ROBO2: variants seen among roughly 807,000 people sequenced by gnomAD.
The protein encoded by ROBO2 is roundabout guidance receptor 2, also known as roundabout homolog 2.
In ROBO2, 53 loss-of-function variants were observed where a neutral mutation model predicts 160.8. The ratio of observed to expected loss-of-function variants is 0.33; its 90% confidence interval spans 0.26 to 0.41. The LOEUF is 0.41. Ranked by LOEUF, ROBO2 falls within the 10% of genes least tolerant of loss-of-function variation. The pLI is 1.00. For missense variants in ROBO2, 1,577 were observed against 1,722.4 expected (o/e 0.92, Z 1.49); for synonymous variants, 664 against 611.7 (o/e 1.09, Z -1.26).
intron 2 of ROBO2, among the ~76,000 whole-genome samples, chr3:76,344,012 C>A (rs1247821573): frequency 6.6e-6 from 1 of 151,944 alleles, no homozygotes; most frequent in African/African-American, 2.4e-5. Flanking sequence ...CTGTTTTTCC[C>A]CATTCCTTTC....
intron 2 of ROBO2, among the ~76,000 whole-genome samples, chr3:76,976,105 A>G (rs957496199): frequency 1.3e-5 from 2 of 152,206 alleles, no homozygotes; most frequent in African/African-American, 2.4e-5. Context: ...AAAACTGGCA[A>G]TATGTCGTAA....
Position 77,389,634 on chromosome 3 carries a change from T to A in ROBO2, c.389-87780T>A, listed in dbSNP as rs1184334052. ...TATTTACTTTATCTTCTTTCCTTTT[T>A]TTCTTCTTCTTCCCTTTTTCCTTCC... On this transcript the variant is annotated intron_variant, in intron 2 of 25. Coordinates refer to ENST00000461745, the Ensembl canonical transcript of ROBO2. Among the ~76,000 whole-genome samples, 4 of 152,226 alleles carry A rather than the reference T, an allele frequency of 2.6e-5. No individual in the cohort carries two copies. In the South Asian group the frequency reaches 6.2e-4, roughly 24 times the overall value.
intron 2 of ROBO2, among the ~76,000 whole-genome samples, chr3:77,344,834 G>A (rs1011898085): frequency 6.6e-6 from 1 of 151,908 alleles, no homozygotes; most frequent in African/African-American, 2.4e-5. Context: ...AATATTAAAA[G>A]TTTTTTTGGT....
intron 2 of ROBO2, among the ~76,000 whole-genome samples, chr3:76,929,787 G>T (rs778340737): frequency 2.6e-5 from 4 of 151,890 alleles, no homozygotes; most frequent in Non-Finnish European, 5.9e-5. Flanking sequence ...ACTCCACTGT[G>T]TGTGGATCTC....
intron 2 of ROBO2, among the ~76,000 whole-genome samples, chr3:76,664,363 G>A (rs2091940451): frequency 6.6e-6 from 1 of 152,128 alleles, no homozygotes; most frequent in African/African-American, 2.4e-5. Flanking sequence ...TACTAGCATT[G>A]ATACCAGGAA....
chr3:76,586,044 A>G (rs527581504), intron 2 of ROBO2, among the ~76,000 whole-genome samples: 8 of 152,296 alleles, frequency 5.3e-5, no homozygotes, highest in Middle Eastern at 3.4e-3. Context: ...TATGCATTCA[A>G]CAGTGAATTA....
chr3:77,551,115 TC>T, intron 8 of ROBO2, 126 bp downstream of exon 9: 2 of 1,041,104 alleles, frequency 1.9e-6, no homozygotes, highest in Non-Finnish European at 2.9e-6. Flanking sequence ...TAAGTTTGAA[TC>T]CAGGTCACAT....
chr3:76,060,030 A>G (rs1344500117), intron 2 of ROBO2, among the ~76,000 whole-genome samples: 1 of 151,910 alleles, frequency 6.6e-6, no homozygotes, highest in Admixed American at 6.6e-5. Flanking sequence ...GGTACCAGAG[A>G]AACTCTTTTA....
At chr3:76,538,557 C>T (rs2082642661) in intron 2 of ROBO2, among the ~76,000 whole-genome samples, 3 of 152,190 alleles carry the variant, frequency 2.0e-5, no homozygotes, top group African/African-American at 7.2e-5. Context: ...ACACCTTGGA[C>T]TATTGGTGTG....
chr3:77,475,133 C>T (rs186087589), intron 2 of ROBO2, among the ~76,000 whole-genome samples: 8 of 152,082 alleles, frequency 5.3e-5, no homozygotes, highest in African/African-American at 1.9e-4. Flanking sequence ...TAAATGATAT[C>T]ACTAAACACA....
intron 2 of ROBO2, among the ~76,000 whole-genome samples, chr3:76,355,719 A>G (rs2075122507): frequency 6.6e-6 from 1 of 151,982 alleles, no homozygotes; most frequent in South Asian, 2.1e-4. Context: ...CATATAAAGA[A>G]AGTATCTAGC....
At chr3:77,448,943 T>G (rs1397965929) in intron 2 of ROBO2, among the ~76,000 whole-genome samples, 1 of 152,174 alleles carries the variant, frequency 6.6e-6, no homozygotes, top group African/African-American at 2.4e-5. Context: ...GGTGTGATTG[T>G]GTTGGTTTAT....
intron 2 of ROBO2, among the ~76,000 whole-genome samples, chr3:77,410,806 CCTCCTTCTT>C (rs1375392340): frequency 1.3e-5 from 2 of 148,902 alleles, no homozygotes; most frequent in East Asian, 2.0e-4. Context: ...TCCCTCTCCT[CCTCCTTCTT>C]CTCCTTCTTC....
chr3:76,739,630 A>T (rs1452105403), intron 2 of ROBO2, among the ~76,000 whole-genome samples: 2 of 104,292 alleles, frequency 1.9e-5, no homozygotes, highest in Non-Finnish European at 4.9e-5. Context: ...AGTATAATTA[A>T]AAAAAAAAGT....
chr3:76,541,121 T>C (rs2082792604), intron 2 of ROBO2, among the ~76,000 whole-genome samples: 2 of 152,208 alleles, frequency 1.3e-5, no homozygotes, highest in South Asian at 4.1e-4. Flanking sequence ...TCATTTAGTT[T>C]AAATAAATAA....
chr3:77,042,041 T>G (rs1188324467), intron 1 of ROBO2, among the ~76,000 whole-genome samples: 1 of 152,168 alleles, frequency 6.6e-6, no homozygotes, highest in East Asian at 1.9e-4. Context: ...CCCAATGTAT[T>G]GGACTCAAAA....
chr3:76,582,221 ATTC>A (rs1316789359), intron 2 of ROBO2, among the ~76,000 whole-genome samples: 3 of 152,206 alleles, frequency 2.0e-5, no homozygotes, highest in Non-Finnish European at 4.4e-5. Flanking sequence ...TTTAAAAATG[ATTC>A]TTCTTCAGTT....
At chr3:76,192,106 C>G (rs1303575421) in intron 2 of ROBO2, among the ~76,000 whole-genome samples, 1 of 151,978 alleles carries the variant, frequency 6.6e-6, no homozygotes, top group African/African-American at 2.4e-5. Context: ...AGTTACCTGA[C>G]CTTCGATTGG....
At chr3:77,432,971 CTTTTGGTGTCTCAAGT>C (rs1176031548) in intron 2 of ROBO2, among the ~76,000 whole-genome samples, 3 of 152,142 alleles carry the variant, frequency 2.0e-5, no homozygotes, top group African/African-American at 7.2e-5. Flanking sequence ...TGGATTGTTT[CTTTTGGTGTCTCAAGT>C]TCACCGCAGA....
Sources: gnomAD v4.1 joint callset for allele counts (sites outside exome capture counted in the v4.1 genomes callset) on GRCh38, gnomAD v4.1.1 for gene constraint, MANE v1.5 for transcripts, NCBI Gene and HGNC (gene_info 2026-07-23, HGNC 2026-07-21) for gene names.